The following NPAS3 variants were observed in gnomAD, a reference collection of about 807,000 sequenced individuals.
NPAS3 encodes neuronal PAS domain-containing protein 3.
A neutral mutation model predicts 73.1 loss-of-function variants in NPAS3; 14 were observed. The ratio of observed to expected loss-of-function variants is 0.19; its 90% confidence interval spans 0.13 to 0.30. The LOEUF is 0.30. Ranked by LOEUF, NPAS3 falls within the 10% of genes least tolerant of loss-of-function variation. The probability of loss-of-function intolerance (pLI) is 1.00; values close to 1 mark genes in which losing one functional copy is unlikely to be tolerated. For missense variants in NPAS3, 1,096 were observed against 1,250.0 expected (o/e 0.88, Z 1.86); for synonymous variants, 620 against 541.5 (o/e 1.14, Z -2.01).
intron 4 of NPAS3, among the ~76,000 whole-genome samples, chr14:33,534,894 C>T (rs913062801): frequency 6.6e-6 from 1 of 152,060 alleles, no homozygotes; most frequent in Non-Finnish European, 1.5e-5. Flanking sequence ...TGGACTGCCT[C>T]GGCTCTTGAG....
At chr14:33,577,990 G>A (rs2056509599) in intron 5 of NPAS3, among the ~76,000 whole-genome samples, 2 of 152,150 alleles carry the variant, frequency 1.3e-5, no homozygotes, top group Non-Finnish European at 2.9e-5. Context: ...GTGTCTCTCG[G>A]CCTTGTGCCA....
At chr14:33,685,520 G>A (rs916706422) in intron 6 of NPAS3, among the ~76,000 whole-genome samples, 7 of 152,190 alleles carry the variant, frequency 4.6e-5, no homozygotes, top group Non-Finnish European at 8.8e-5. Flanking sequence ...TAGGTTCACA[G>A]AAATACTAGT....
rs114262559 is a variant in NPAS3 at position 33,258,434 on chromosome 14, T to C, written c.385+43008T>C. 7.3e-3 allele frequency among the ~76,000 whole-genome samples: 1,109 copies of C among 152,266 alleles called. 21 individuals carry two copies. The highest frequency in any genetic ancestry group is 0.026 in the African/African-American group (1,062 of 41,552). On this transcript the variant is annotated intron_variant, in intron 3 of 11. Transcript: ENST00000356141. ...AAAAAAGTTAAAATGCCTGACTTGA[T>C]AGTTTGCCAAGTTCTTTTAAGGGAG...
intron 4 of NPAS3, among the ~76,000 whole-genome samples, chr14:33,555,711 G>A (rs1390137799): frequency 2.0e-5 from 3 of 152,162 alleles, no homozygotes; most frequent in Non-Finnish European, 4.4e-5. Context: ...GAATCAGAAG[G>A]TAGTGGCTAT....
At chr14:33,760,835 A>C (rs902216386) in intron 7 of NPAS3, among the ~76,000 whole-genome samples, 2 of 152,234 alleles carry the variant, frequency 1.3e-5, no homozygotes, top group African/African-American at 4.8e-5. Flanking sequence ...AATCCCAAGG[A>C]AATAGCACAA....
chr14:33,554,545 G>C (rs756911466), intron 4 of NPAS3, among the ~76,000 whole-genome samples: 4 of 152,136 alleles, frequency 2.6e-5, no homozygotes, highest in Non-Finnish European at 4.4e-5. Flanking sequence ...GATGGTGAAG[G>C]CTTAGTTTAA....
intron 2 of NPAS3, among the ~76,000 whole-genome samples, chr14:33,058,523 A>G (rs1296847113): frequency 6.6e-6 from 1 of 152,218 alleles, no homozygotes; most frequent in Non-Finnish European, 1.5e-5. Context: ...CATATCATCC[A>G]ATCTTCAATG....
intron 5 of NPAS3, among the ~76,000 whole-genome samples, chr14:33,597,740 G>A (rs1019070639): frequency 6.6e-6 from 1 of 152,218 alleles, no homozygotes; most frequent in Admixed American, 6.5e-5. Context: ...GCCGGCACTG[G>A]CCTGTCCACC....
At chr14:33,679,185 T>A (rs756173249) in intron 6 of NPAS3, among the ~76,000 whole-genome samples, 1 of 152,208 alleles carries the variant, frequency 6.6e-6, no homozygotes, top group South Asian at 2.1e-4. Context: ...AGAGGCCCTC[T>A]TCCTTGATGG....
chr14:33,753,358 T>TTAAAAAAAAAAA (rs1219013158), intron 7 of NPAS3, among the ~76,000 whole-genome samples: 68 of 129,452 alleles, frequency 5.3e-4, no homozygotes, highest in African/African-American at 1.7e-3. Flanking sequence ...GTTAAATTGA[T>TTAAAAAAAAAAA]AAAAAAAAAA....
At chr14:33,527,542 C>T (rs534041873) in intron 4 of NPAS3, among the ~76,000 whole-genome samples, 1 of 152,046 alleles carries the variant, frequency 6.6e-6, no homozygotes, top group Non-Finnish European at 1.5e-5. Flanking sequence ...TTTATGTGCA[C>T]GTACACAAAT....
At chr14:33,349,367 T>G (rs1020490362) in intron 3 of NPAS3, among the ~76,000 whole-genome samples, 2 of 152,234 alleles carry the variant, frequency 1.3e-5, no homozygotes, top group African/African-American at 2.4e-5. Flanking sequence ...TAGAATTATT[T>G]CAGTTGCTTA....
At chr14:33,614,145 C>A (rs935031944) in intron 5 of NPAS3, among the ~76,000 whole-genome samples, 2 of 152,174 alleles carry the variant, frequency 1.3e-5, no homozygotes. Context: ...AAATATTTTA[C>A]AGTCACTTCA....
At chr14:33,495,641 A>G (rs1412620198) in intron 4 of NPAS3, among the ~76,000 whole-genome samples, 1 of 152,074 alleles carries the variant, frequency 6.6e-6, no homozygotes, top group Non-Finnish European at 1.5e-5. Context: ...AACTTGCTTT[A>G]TGAATCTGGG....
chr14:33,514,807 A>G (rs1566964329), intron 4 of NPAS3, among the ~76,000 whole-genome samples: 1 of 152,090 alleles, frequency 6.6e-6, no homozygotes, highest in Non-Finnish European at 1.5e-5. Flanking sequence ...TACCCATTAA[A>G]GTCATTTTTA....
intron 2 of NPAS3, among the ~76,000 whole-genome samples, chr14:33,095,878 T>G (rs2042402456): frequency 6.6e-6 from 1 of 151,656 alleles, no homozygotes; most frequent in African/African-American, 2.4e-5. Context: ...TTCACCGTGT[T>G]TGCCAGGATG....
chr14:33,380,680 A>T (rs1566849962), intron 4 of NPAS3, among the ~76,000 whole-genome samples: 1 of 152,184 alleles, frequency 6.6e-6, no homozygotes, highest in Non-Finnish European at 1.5e-5. Flanking sequence ...AACATTTGGG[A>T]GAATTAGTGA....
chr14:32,962,124 T>A (rs2036948639), intron 1 of NPAS3, among the ~76,000 whole-genome samples: 1 of 152,184 alleles, frequency 6.6e-6, no homozygotes, highest in Admixed American at 6.5e-5. Context: ...AGTAAGAAAC[T>A]GTTTCTATGT....
intron 1 of NPAS3, 78 bp from the exon 2 acceptor site, chr14:33,055,827 A>T: frequency 1.4e-6 from 1 of 730,702 alleles, no homozygotes; most frequent in Non-Finnish European, 2.5e-6. Context: ...ATTGAATTTC[A>T]ACATACTTGT....
Sources: allele counts gnomAD v4.1 joint callset (sites outside exome capture counted in the v4.1 genomes callset), GRCh38; gene constraint gnomAD v4.1.1; transcripts MANE v1.5; gene names NCBI Gene and HGNC (gene_info 2026-07-23, HGNC 2026-07-21).